The following TSPAN1 variants were observed in gnomAD, a reference collection of about 807,000 sequenced individuals.
The protein encoded by TSPAN1 is tetraspanin-1.
In TSPAN1, 23 loss-of-function variants were observed where a neutral mutation model predicts 26.9. That is an observed-to-expected ratio of 0.85 (90% CI 0.62 to 1.21). The LOEUF is 1.21. TSPAN1 is among the 50% of genes most tolerant of loss of function. The probability of loss-of-function intolerance (pLI) is 0.00; values close to 1 mark genes in which losing one functional copy is unlikely to be tolerated. For synonymous variants in TSPAN1, 115 were observed against 114.8 expected (o/e 1.00, Z -0.01); for missense variants, 283 against 298.4 (o/e 0.95, Z 0.38).
At chr1:46,189,506 C>T (rs775534917), downstream of TSPAN1, 8 of 1,613,492 alleles carry the variant, frequency 5.0e-6, no homozygotes, top group African/African-American at 4.0e-5. Flanking sequence ...GTTCTTCTTC[C>T]GAAACAATCT....
intron 3 of TSPAN1, 69 bp from the exon 4 acceptor site, chr1:46,184,122 T>C: frequency 2.0e-6 from 3 of 1,531,742 alleles, no homozygotes; most frequent in Non-Finnish European, 2.7e-6. Flanking sequence ...CCATCCTTCT[T>C]ACTCAGCTGT....
chr1:46,181,187 CTT>C (rs1657307799), intron 3 of TSPAN1, 23 bp downstream of exon 3: 1 of 1,606,976 alleles, frequency 6.2e-7, no homozygotes, highest in Non-Finnish European at 8.5e-7. Context: ...ATTGTGGACT[CTT>C]TGGGGCTCCC....
chr1:46,192,763 C>T, the TSPAN1 span: 7 of 1,580,594 alleles, frequency 4.4e-6, no homozygotes, highest in Non-Finnish European at 6.1e-6. Flanking sequence ...GCAGCCCCAA[C>T]ACCTGCCATC....
downstream of TSPAN1, chr1:46,189,311 G>C (rs1657554177): frequency 6.2e-7 from 1 of 1,613,892 alleles, no homozygotes; most frequent in African/African-American, 1.3e-5. Context: ...TCCTCCTTTG[G>C]GGGTGGCTCC....
downstream of TSPAN1, chr1:46,189,578 T>C: frequency 6.2e-7 from 1 of 1,606,300 alleles, no homozygotes; most frequent in Non-Finnish European, 8.5e-7. Context: ...CTAGTGAGGG[T>C]GGGATGGAGA....
chr1:46,185,470 G>A lies in TSPAN1; in HGVS notation c.679-16G>A. 6.2e-7 allele frequency: 1 copy of A among 1,614,156 alleles called. No homozygotes were observed. Among genetic ancestry groups the A allele is most frequent in the Non-Finnish European group, 8.5e-7 (1 of 1,180,014 alleles). ...CTATCATGTTCCCTCATCTCTCCCT[G>A]TTCCTCCCTCTCCAGCTGGCTGCCA... On this transcript the variant is annotated splice_polypyrimidine_tract_variant and intron_variant, in intron 8 of 8. Transcript: ENST00000372003.
intron 3 of TSPAN1, among the ~76,000 whole-genome samples, chr1:46,182,502 G>C (rs1256724484): frequency 6.6e-6 from 1 of 151,846 alleles, no homozygotes; most frequent in African/African-American, 2.4e-5. Context: ...TTGAGCTCAG[G>C]AGTTCGAGAC....
chr1:46,191,003 A>C, the TSPAN1 span: 2 of 537,570 alleles, frequency 3.7e-6, no homozygotes, highest in East Asian at 7.6e-5. Flanking sequence ...TCATGCTGTC[A>C]CGGCAGCTCA....
downstream of TSPAN1, chr1:46,190,948 A>G (rs1571651056): frequency 1.6e-5 from 11 of 699,662 alleles, no homozygotes; most frequent in East Asian, 3.2e-4. Context: ...CATCCTCAGC[A>G]AGCTCTTACT....
chr1:46,193,359 A>G, the TSPAN1 span: 26 of 1,613,322 alleles, frequency 1.6e-5, no homozygotes, highest in Non-Finnish European at 2.1e-5. Flanking sequence ...TGCCCCTCAG[A>G]CCAAACAGTG....
chr1:46,195,736 G>T, the TSPAN1 span: 1 of 1,295,204 alleles, frequency 7.7e-7, no homozygotes, highest in South Asian at 1.3e-5. Context: ...TGTTATATGA[G>T]GGGCAGAGAA....
At chr1:46,194,923 A>G in the TSPAN1 span, 2 of 1,614,082 alleles carry the variant, frequency 1.2e-6, no homozygotes, top group Admixed American at 3.3e-5. Context: ...TCCTCAGCAG[A>G]GCCTTGGCTG....
At chr1:46,175,623 C>T (rs1657115659) in intron 1 of TSPAN1, 1 of 399,174 alleles carries the variant, frequency 2.5e-6, no homozygotes, top group South Asian at 1.3e-4. Flanking sequence ...CCTGAGATGT[C>T]TGAGAACTGA....
the TSPAN1 span, chr1:46,191,778 G>A: frequency 3.1e-5 from 11 of 359,522 alleles, no homozygotes; most frequent in South Asian, 2.2e-4. Context: ...GGGACTACAG[G>A]CGCCCATCAC....
In TSPAN1 at chr1:46,175,215, T is replaced by C. The variant is rs1310534631; in HGVS notation, c.-336T>C. 5.7e-6 allele frequency: 1 copy of C among 176,796 alleles called. No homozygotes were observed. The highest frequency in any genetic ancestry group is 1.5e-4 in the East Asian group (1 of 6,858). The allele number at this position is 176,796 out of a possible 1,614,324, so 11.0% of individuals were successfully genotyped here. On this transcript the variant is annotated 5_prime_UTR_variant, in exon 1 of 9. Transcript: ENST00000372003. ...TCTTTCATCCTATCCCTCTCTGATC[T>C]GTGCCTCCCAATACCTTCCAAGATG...
chr1:46,188,036 T>C (rs926021567), downstream of TSPAN1, among the ~76,000 whole-genome samples: 5 of 152,192 alleles, frequency 3.3e-5, no homozygotes, highest in Admixed American at 6.5e-5. Flanking sequence ...GCTTTCTCAT[T>C]CACTCCCTCT....
In TSPAN1 at chr1:46,184,602, C is replaced by T. The variant is rs750267854; in HGVS notation, c.273C>T (p.Phe91=). The T allele has an allele frequency of 6.2e-7, 1 of 1,614,230 alleles. No individual in the cohort carries two copies. The highest frequency in any genetic ancestry group is 2.2e-5 in the East Asian group (1 of 44,888). ...ESKCALVTFF[F]ILLLIFIAEV... ...CCCTGTTCCCCACTCAGTTCTTCTT[C>T]ATCCTCCTCCTCATCTTCATTGCTG... The change falls in exon 5 of 9, where the codon TTC becomes TTT. Residue 91 remains phenylalanine (F), a synonymous_variant. Coordinates refer to ENST00000372003, the MANE Select transcript of TSPAN1 (RefSeq NM_005727.4).
At chr1:46,192,117 T>C in the TSPAN1 span, 2 of 1,614,002 alleles carry the variant, frequency 1.2e-6, no homozygotes, top group Non-Finnish European at 1.7e-6. Context: ...GCCATTCATG[T>C]TGAGGCCGAC....
At chr1:46,189,740 G>C (rs1657602093), downstream of TSPAN1, 13 of 1,563,008 alleles carry the variant, frequency 8.3e-6, no homozygotes, top group Non-Finnish European at 7.8e-6. Flanking sequence ...TGTTCTAAGA[G>C]TATAAAGAGG....
Sources: allele counts gnomAD v4.1 joint callset (sites outside exome capture counted in the v4.1 genomes callset), GRCh38; gene constraint gnomAD v4.1.1; transcripts MANE v1.5; gene names NCBI Gene and HGNC (gene_info 2026-07-23, HGNC 2026-07-21).